The following LY96 variants were observed in gnomAD, a reference collection of about 807,000 sequenced individuals.
LY96 encodes the protein lymphocyte antigen 96, also known as myeloid differentiation protein-2.
LY96 carries 18 observed loss-of-function variants against 18.9 expected under a neutral mutation model. The ratio of observed to expected loss-of-function variants is 0.95; its 90% CI spans 0.66 to 1.41. LY96 has a LOEUF of 1.41. Among genes scored for constraint, LY96 ranks in the 40% most tolerant of loss-of-function variants. The pLI, the probability that LY96 is intolerant of heterozygous loss-of-function variation, is 0.00. For missense variants in LY96, 175 were observed against 182.4 expected, an observed-to-expected ratio of 0.96 and a Z score of 0.23; for synonymous variants, 66 against 62.6, an observed-to-expected ratio of 1.06 and a Z score of -0.26.
chr8:74,045,834 A>G, the LY96 span, among the ~76,000 whole-genome samples: 95 of 152,220 alleles, frequency 6.2e-4, 1 homozygote, highest in East Asian at 0.014. Flanking sequence ...GCACTGCTAC[A>G]CCCTCAGATC....
intron 3 of LY96, among the ~76,000 whole-genome samples, chr8:74,019,867 A>G (rs1586658664): frequency 6.6e-6 from 1 of 152,352 alleles, no homozygotes; most frequent in Middle Eastern, 3.4e-3. Context: ...ACAAAATTCA[A>G]CAGCCTTTCA....
At chr8:74,059,354 T>C in the LY96 span, among the ~76,000 whole-genome samples, 8 of 152,338 alleles carry the variant, frequency 5.3e-5, no homozygotes, top group East Asian at 1.5e-3. Context: ...CCCAACATTA[T>C]TGTGTGGAAC....
At chr8:74,076,395 C>A in the LY96 span, among the ~76,000 whole-genome samples, 1 of 151,464 alleles carries the variant, frequency 6.6e-6, no homozygotes, top group Non-Finnish European at 1.5e-5. Flanking sequence ...GCAATCTTGG[C>A]TCACTGCGAC....
chr8:74,053,623 C>A, the LY96 span, among the ~76,000 whole-genome samples: 1 of 152,188 alleles, frequency 6.6e-6, no homozygotes, highest in Admixed American at 6.5e-5. Context: ...GCTCTTCTTA[C>A]CTAGAATGAA....
chr8:74,006,693 T>C (rs1339362724), intron 2 of LY96, among the ~76,000 whole-genome samples: 1 of 152,246 alleles, frequency 6.6e-6, no homozygotes, highest in East Asian at 1.9e-4. Flanking sequence ...GCTAAGGCTC[T>C]ACAGTTTCTT....
intron 1 of LY96, among the ~76,000 whole-genome samples, chr8:74,002,450 A>C (rs529515684): frequency 1.1e-4 from 16 of 151,538 alleles, no homozygotes; most frequent in Non-Finnish European, 2.2e-4. Context: ...ATTCTTTTCC[A>C]GTGATCTCTC....
chr8:74,022,611 C>T (rs1463747138), intron 3 of LY96, among the ~76,000 whole-genome samples: 1 of 147,060 alleles, frequency 6.8e-6, no homozygotes, highest in Admixed American at 6.8e-5. Flanking sequence ...CAGGGTCTCG[C>T]CCTGTCGCCC....
chr8:74,045,988 C>A, the LY96 span, among the ~76,000 whole-genome samples: 209 of 152,188 alleles, frequency 1.4e-3, 3 homozygotes, highest in African/African-American at 4.8e-3. Flanking sequence ...TGGAAGATGT[C>A]CAGAACTAGG....
chr8:74,055,493 G>A, the LY96 span, among the ~76,000 whole-genome samples: 2 of 152,060 alleles, frequency 1.3e-5, no homozygotes, highest in Admixed American at 6.6e-5. Context: ...ATCAATTGCT[G>A]TATGTAGAGC....
chr8:74,047,531 T>A, the LY96 span, among the ~76,000 whole-genome samples: 1 of 152,204 alleles, frequency 6.6e-6, no homozygotes, highest in Non-Finnish European at 1.5e-5. Flanking sequence ...CCCAGTAATA[T>A]AATCCTTGTG....
the LY96 span, among the ~76,000 whole-genome samples, chr8:74,089,587 A>G: frequency 6.6e-6 from 1 of 152,228 alleles, no homozygotes; most frequent in African/African-American, 2.4e-5. Flanking sequence ...TATTTGACAG[A>G]TGTGTAAAGG....
chr8:74,073,299 G>T, the LY96 span, among the ~76,000 whole-genome samples: 1 of 152,326 alleles, frequency 6.6e-6, no homozygotes, highest in South Asian at 2.1e-4. Flanking sequence ...CTGCCATCAG[G>T]TGAGTCAGTA....
chr8:74,004,955 T>A, intron 2 of LY96, 70 bp downstream of exon 2: 1 of 1,484,104 alleles, frequency 6.7e-7, no homozygotes, highest in Non-Finnish European at 9.3e-7. Context: ...AATGATTGTG[T>A]TTCAAATATA....
intron 3 of LY96, among the ~76,000 whole-genome samples, chr8:74,020,775 A>G (rs1816741956): frequency 6.6e-6 from 1 of 152,194 alleles, no homozygotes; most frequent in African/African-American, 2.4e-5. Flanking sequence ...ACACATCTAC[A>G]ATCATTTGAT....
chr8:73,991,633 T>C (rs1816006707), intron 1 of LY96, 79 bp downstream of exon 1: 1 of 855,342 alleles, frequency 1.2e-6, no homozygotes, highest in African/African-American at 1.7e-5. Context: ...TACACTGTTG[T>C]GGCTGGAACA....
intron 1 of LY96, among the ~76,000 whole-genome samples, chr8:73,992,221 A>G (rs1816018800): frequency 6.6e-6 from 1 of 152,094 alleles, no homozygotes; most frequent in Non-Finnish European, 1.5e-5. Flanking sequence ...CCCCTGCCCC[A>G]GCTGCTCATT....
the LY96 span, among the ~76,000 whole-genome samples, chr8:74,068,941 C>T: frequency 1.3e-5 from 2 of 152,112 alleles, no homozygotes; most frequent in African/African-American, 4.8e-5. Flanking sequence ...AATACAGGCA[C>T]ACACCACCAT....
At chr8:74,085,523 T>C in the LY96 span, among the ~76,000 whole-genome samples, 1 of 152,200 alleles carries the variant, frequency 6.6e-6, no homozygotes, top group Non-Finnish European at 1.5e-5. Flanking sequence ...CGGAGTGTCA[T>C]TGTTGAAAAT....
At chr8:74,030,512 G>A (rs1477589598), downstream of LY96, among the ~76,000 whole-genome samples, 1 of 152,188 alleles carries the variant, frequency 6.6e-6, no homozygotes, top group Admixed American at 6.5e-5. Flanking sequence ...TTTTGGTGAA[G>A]TTTATAGAAA....
Sources: allele counts gnomAD v4.1 joint callset (sites outside exome capture counted in the v4.1 genomes callset), GRCh38; gene constraint gnomAD v4.1.1; transcripts MANE v1.5; gene names NCBI Gene and HGNC (gene_info 2026-07-23, HGNC 2026-07-21).